The following PCNX1 variants were observed in gnomAD, a reference collection of about 807,000 sequenced individuals.
The protein encoded by PCNX1 is pecanex 1.
PCNX1 carries 78 observed loss-of-function variants against 242.2 expected under a neutral mutation model. The observed-to-expected ratio is 0.32, with a 90% CI of 0.27 to 0.39. PCNX1 has a LOEUF of 0.39. Among genes scored for constraint, PCNX1 ranks in the 10% least tolerant of loss-of-function variants. PCNX1 has a pLI of 1.00. For synonymous variants in PCNX1, 1,024 were observed against 1,032.9 expected (o/e 0.99, Z 0.17); for missense variants, 2,581 against 2,856.5 (o/e 0.90, Z 2.20).
intron 26 of PCNX1, among the ~76,000 whole-genome samples, chr14:71,070,545 G>A (rs2061561915): frequency 6.6e-6 from 1 of 152,202 alleles, no homozygotes; most frequent in African/African-American, 2.4e-5. Flanking sequence ...CTAATGTCTT[G>A]TACATTTCCA....
At chr14:70,957,830 G>T (rs958490842) in intron 2 of PCNX1, among the ~76,000 whole-genome samples, 1 of 141,668 alleles carries the variant, frequency 7.1e-6, no homozygotes, top group Admixed American at 6.9e-5. Context: ...GTATGTATGT[G>T]TGTGTATATA....
intron 8 of PCNX1, among the ~76,000 whole-genome samples, chr14:70,997,351 A>C (rs527891465): frequency 5.9e-5 from 9 of 152,262 alleles, no homozygotes; most frequent in African/African-American, 1.9e-4. Context: ...CTTCATTTTA[A>C]TCCCTTTCAG....
intron 1 of PCNX1, among the ~76,000 whole-genome samples, chr14:70,931,255 TC>T (rs1672934162): frequency 6.6e-6 from 1 of 152,062 alleles, no homozygotes; most frequent in African/African-American, 2.4e-5. Flanking sequence ...TGTTCCCAAC[TC>T]CCCACCCCTT....
intron 30 of PCNX1, among the ~76,000 whole-genome samples, chr14:71,090,223 C>G (rs916915071): frequency 6.6e-6 from 1 of 151,986 alleles, no homozygotes; most frequent in African/African-American, 2.4e-5. Context: ...AAAGTGAGGC[C>G]CCACAATGCA....
At chr14:71,014,758 G>A (rs1273402925) in intron 11 of PCNX1, among the ~76,000 whole-genome samples, 1 of 152,158 alleles carries the variant, frequency 6.6e-6, no homozygotes, top group Non-Finnish European at 1.5e-5. Context: ...ACAACTACAA[G>A]AGGAAACAAG....
Position 71,045,138 on chromosome 14 carries a change from C to T in PCNX1, c.3873C>T (p.Ala1291=). 1 of 1,582,958 alleles carries T rather than the reference C, an allele frequency of 6.3e-7. No homozygotes were observed. Among genetic ancestry groups the T allele is most frequent in the Non-Finnish European group, 8.6e-7 (1 of 1,168,794 alleles). The change falls in exon 20 of 36, where the codon GCC becomes GCT. Residue 1291 remains alanine, a synonymous_variant. Coordinates refer to ENST00000304743, the MANE Select transcript of PCNX1 (RefSeq NM_014982.3). The part of the protein sequence containing the change: ...VSTVFTVLQP[A]LKYVLYTLVG... ...ACTTCTATTATTTTTTTTAGCCTGC[C>T]CTCAAGTATGTGTTGTATACATTGG...
At chr14:70,920,308 T>G (rs995894394) in intron 1 of PCNX1, among the ~76,000 whole-genome samples, 1 of 152,204 alleles carries the variant, frequency 6.6e-6, no homozygotes, top group African/African-American at 2.4e-5. Context: ...TTTCATCAGT[T>G]GTACTTTTTC....
intron 3 of PCNX1, among the ~76,000 whole-genome samples, chr14:70,963,626 G>T (rs2058287705): frequency 6.6e-6 from 1 of 152,198 alleles, no homozygotes; most frequent in African/African-American, 2.4e-5. Flanking sequence ...ACTCTGATTA[G>T]CATGTTCATG....
Position 71,047,796 on chromosome 14 carries a change from T to C in PCNX1, c.4161-11T>C. ...AGTCATGAGTTGATTTGTGTTTTCT[T>C]TGTGCCACAGATTAGGTGCTTTAAT... is the stretch of plus-strand genomic sequence containing the variant. On this transcript the variant is annotated splice_polypyrimidine_tract_variant and intron_variant, in intron 21 of 35. Transcript: ENST00000304743. 2 of 1,591,064 alleles carry C rather than the reference T, an allele frequency of 1.3e-6. No individual in the cohort carries two copies. Among genetic ancestry groups the C allele is most frequent in the Non-Finnish European group, 1.7e-6 (2 of 1,167,342 alleles).
intron 1 of PCNX1, among the ~76,000 whole-genome samples, chr14:70,924,451 A>G (rs1266199793): frequency 2.6e-5 from 4 of 152,138 alleles, no homozygotes; most frequent in African/African-American, 7.2e-5. Flanking sequence ...ATACATCATT[A>G]TTAACTTAAA....
At chr14:70,910,061 TCCC>T (rs1566808377) in intron 1 of PCNX1, among the ~76,000 whole-genome samples, 9 of 29,736 alleles carry the variant, frequency 3.0e-4, no homozygotes, top group Non-Finnish European at 3.5e-4. Flanking sequence ...CTCCTCCTCC[TCCC>T]CCTCCTCCTC....
rs144286399 is a variant in PCNX1, at chr14:71,046,290, C to T, written c.4019-674C>T. Among the ~76,000 whole-genome samples the T allele has an allele frequency of 5.9e-5, 9 of 152,110 alleles. No homozygotes were observed. In the East Asian group the frequency reaches 1.7e-3, roughly 29 times the overall value. On this transcript the variant is annotated intron_variant, in intron 20 of 35. Coordinates refer to ENST00000304743, the MANE Select transcript of PCNX1 (RefSeq NM_014982.3). ...ACACATACCTAGTTTGTTTTAAAGA[C>T]CAACACTTTTCATTAAAATAAATTA... is the stretch of plus-strand genomic sequence containing the variant.
intron 1 of PCNX1, among the ~76,000 whole-genome samples, chr14:70,939,418 C>G (rs1037409289): frequency 1.3e-5 from 2 of 152,186 alleles, no homozygotes; most frequent in Non-Finnish European, 2.9e-5. Context: ...GCAGGTTGTA[C>G]AGTTTCCATG....
rs755476716 is a variant in PCNX1 at position 71,011,555 on chromosome 14, T to G, written c.2778+6T>G. 1 of 1,435,064 alleles carries G rather than the reference T, an allele frequency of 7.0e-7. No individual in the cohort carries two copies. The highest frequency in any genetic ancestry group is 2.3e-5 in the East Asian group (1 of 43,938). The allele number at this position is 1,435,064 out of a possible 1,614,324, so 88.9% of individuals were successfully genotyped here. On this transcript the variant is annotated splice_donor_region_variant and intron_variant, in intron 10 of 35. Coordinates refer to ENST00000304743, the MANE Select transcript of PCNX1 (RefSeq NM_014982.3). Reference sequence around the variant, plus strand: ...GATTTTATCCACATGATGTGGTAGGTTTTTCTTTATTTTTACAACATGATA... The same window carrying G: ...GATTTTATCCACATGATGTGGTAGGGTTTTCTTTATTTTTACAACATGATA...
chr14:71,026,433 G>A, intron 14 of PCNX1, 145 bp downstream of exon 14: 1 of 513,002 alleles, frequency 1.9e-6, no homozygotes, highest in Non-Finnish European at 3.4e-6. Flanking sequence ...AAAGTGATAG[G>A]ACTATTATGA....
intron 1 of PCNX1, among the ~76,000 whole-genome samples, chr14:70,926,850 C>G (rs114202920): frequency 6.6e-6 from 1 of 151,882 alleles, no homozygotes; most frequent in Admixed American, 6.6e-5. Flanking sequence ...TCACAGGGAG[C>G]GTGATGAGGA....
At chr14:70,954,403 A>G (rs1030156875) in intron 2 of PCNX1, among the ~76,000 whole-genome samples, 11 of 152,122 alleles carry the variant, frequency 7.2e-5, no homozygotes, top group African/African-American at 2.7e-4. Context: ...TTGATTTTTG[A>G]TGTAAACTTC....
intron 2 of PCNX1, 63 bp downstream of exon 2, chr14:70,947,186 G>C: frequency 8.5e-7 from 1 of 1,183,428 alleles, no homozygotes; most frequent in Non-Finnish European, 1.2e-6. Context: ...GTATAATGAT[G>C]TGATTATTAT....
chr14:71,104,679 C>G (rs7152435), intron 32 of PCNX1, among the ~76,000 whole-genome samples: 24,052 of 152,072 alleles, frequency 0.16, 2,472 homozygotes, highest in African/African-American at 0.28. Context: ...TGGGTAATCC[C>G]AGCACTTTGG....
Sources: allele counts gnomAD v4.1 joint callset (sites outside exome capture counted in the v4.1 genomes callset), GRCh38; gene constraint gnomAD v4.1.1; transcripts MANE v1.5; gene names NCBI Gene and HGNC (gene_info 2026-07-23, HGNC 2026-07-21).